The following EGFR variants were observed in gnomAD, a reference collection of about 807,000 sequenced individuals.
EGFR encodes the protein avian erythroblastic leukemia viral (v-erb-b) oncogene homolog.
A neutral mutation model predicts 143.0 loss-of-function variants in EGFR; 58 were observed. That is an observed-to-expected ratio of 0.41 (90% CI 0.33 to 0.50). EGFR has a LOEUF of 0.50. Ranked by LOEUF, EGFR falls within the 20% of genes least tolerant of loss-of-function variation. The pLI is 0.39. For synonymous variants in EGFR, 613 were observed against 594.4 expected, an observed-to-expected ratio of 1.03 and a Z score of -0.45; for missense variants, 1,307 against 1,579.0, an observed-to-expected ratio of 0.83 and a Z score of 2.92.
intron 22 of EGFR, 43 bp from the exon 23 acceptor site, chr7:55,198,674 A>G (rs200548039): frequency 8.7e-6 from 14 of 1,613,562 alleles, no homozygotes; most frequent in Middle Eastern, 1.6e-4. Flanking sequence ...GTGATTGTTC[A>G]TTCATGATCC....
chr7:55,097,050 C>A (rs1340293976), intron 1 of EGFR, among the ~76,000 whole-genome samples: 4 of 152,206 alleles, frequency 2.6e-5, no homozygotes, highest in South Asian at 2.1e-4. Context: ...TTGCCCGAGG[C>A]TGCATACCTG....
intron 10 of EGFR, 34 bp from the exon 11 acceptor site, chr7:55,157,629 G>A (rs757495655): frequency 7.6e-6 from 12 of 1,581,912 alleles, no homozygotes; most frequent in Non-Finnish European, 1.0e-5. Flanking sequence ...ACTCCTACGT[G>A]GTGTGTGTCT....
At chr7:55,161,722 C>T (rs2128943339) in intron 13 of EGFR, 91 bp downstream of exon 13, 1 of 1,602,784 alleles carries the variant, frequency 6.2e-7, no homozygotes, top group Non-Finnish European at 8.5e-7. Flanking sequence ...GTTTGATTTT[C>T]TCTTCCTTTT....
chr7:55,129,995 T>A (rs1304106854), intron 1 of EGFR, among the ~76,000 whole-genome samples: 5 of 152,202 alleles, frequency 3.3e-5, no homozygotes, highest in Non-Finnish European at 2.9e-5. Context: ...ATGTATTTGC[T>A]TACAGTCTGT....
intron 1 of EGFR, among the ~76,000 whole-genome samples, chr7:55,038,907 G>A (rs1183618372): frequency 6.6e-6 from 1 of 151,752 alleles, no homozygotes; most frequent in African/African-American, 2.4e-5. Context: ...GTTCTGCACT[G>A]CCTGTTGTCC....
intron 1 of EGFR, among the ~76,000 whole-genome samples, chr7:55,136,738 T>C (rs1164290765): frequency 6.6e-6 from 1 of 152,246 alleles, no homozygotes; most frequent in East Asian, 1.9e-4. Flanking sequence ...GATATGTTAC[T>C]TTCTTGCGAT....
chr7:55,075,771 CTTTA>C (rs1435783849), intron 1 of EGFR, among the ~76,000 whole-genome samples: 1 of 152,094 alleles, frequency 6.6e-6, no homozygotes, highest in African/African-American at 2.4e-5. Context: ...GATTGGAACT[CTTTA>C]TTTTTTTTTC....
rs1787432318 is a variant in EGFR, at chr7:55,034,302, C to T, written c.88+14937C>T. On this transcript the variant is annotated intron_variant, in intron 1 of 27. Coordinates refer to ENST00000275493, the MANE Select transcript of EGFR (RefSeq NM_005228.5). ...AGGCTGGAGTGCAGTGGCCCGACCTCGGCTCACTGCAACCTCCACCTTCCG... is the reference window on the plus strand; with the variant it reads ...AGGCTGGAGTGCAGTGGCCCGACCTTGGCTCACTGCAACCTCCACCTTCCG... Among the ~76,000 whole-genome samples, 5 of 152,266 alleles carry T rather than the reference C, an allele frequency of 3.3e-5. No individual in the cohort carries two copies. The South Asian group carries it at 8.3e-4, about 25-fold the overall frequency.
At chr7:55,203,625 A>T (rs1403393770) in intron 27 of EGFR, among the ~76,000 whole-genome samples, 2 of 141,766 alleles carry the variant, frequency 1.4e-5, no homozygotes, top group East Asian at 4.3e-4. Context: ...ACATATACAC[A>T]CTACACCACA....
chr7:55,133,935 C>T (rs1442737066), intron 1 of EGFR, among the ~76,000 whole-genome samples: 3 of 152,328 alleles, frequency 2.0e-5, no homozygotes, highest in South Asian at 4.1e-4. Flanking sequence ...AGCCCCTGAA[C>T]ATGAGTAAGC....
At chr7:55,099,007 C>A (rs2128899799) in intron 1 of EGFR, among the ~76,000 whole-genome samples, 1 of 152,330 alleles carries the variant, frequency 6.6e-6, no homozygotes, top group African/African-American at 2.4e-5. Flanking sequence ...TGGCCTCTGG[C>A]AGCTCTTCAT....
intron 1 of EGFR, among the ~76,000 whole-genome samples, chr7:55,123,378 A>T (rs141742168): frequency 3.1e-4 from 47 of 152,348 alleles, no homozygotes; most frequent in Non-Finnish European, 6.5e-4. Flanking sequence ...AGAGTAATTG[A>T]TATATCATTC....
In EGFR at chr7:55,201,748, A is replaced by G. The variant is rs375035197; in HGVS notation, c.3128A>G (p.Asn1043Ser). 2 of 1,614,058 alleles carry G rather than the reference A, an allele frequency of 1.2e-6. No homozygotes were observed. The highest frequency in any genetic ancestry group is 1.3e-5 in the African/African-American group (1 of 74,918). The change falls in exon 26 of 28, where the codon AAC (asparagine) becomes AGC (serine). Residue 1043 changes from asparagine (N) to serine (S), a missense_variant. Around this residue, in one of 7 missense-constraint regions of EGFR, gnomAD observed 313 missense variants for 312.3 expected, o/e 1.00. Coordinates refer to ENST00000275493, the MANE Select transcript of EGFR (RefSeq NM_005228.5). ...TTTCTTTTTCAGAGTGCAACCAGCA[A>G]CAATTCCACCGTGGCTTGCATTGAT... ...PLLSSLSATS[N>S]NSTVACIDRN...
chr7:55,035,300 T>C (rs1029316460), intron 1 of EGFR, among the ~76,000 whole-genome samples: 13 of 152,144 alleles, frequency 8.5e-5, no homozygotes, highest in African/African-American at 2.9e-4. Context: ...AATATTTTGA[T>C]CTTATTTTTT....
chr7:55,190,334 G>A (rs774019889), intron 20 of EGFR, among the ~76,000 whole-genome samples: 5 of 152,214 alleles, frequency 3.3e-5, no homozygotes, highest in Middle Eastern at 3.4e-3. Context: ...TCAGGCAAGC[G>A]TCTCTTTTCC....
At position 55,206,591 on chromosome 7, in the gene EGFR, C is replaced by T. The variant is rs1483732828; in HGVS notation, c.*974C>T. ...AGGCTCAGATGAAATGCATCAGGTC[C>T]TTTGGGGCATAGATCAGAAGACTAC... On this transcript the variant is annotated 3_prime_UTR_variant, in exon 28 of 28. Coordinates refer to ENST00000275493, the MANE Select transcript of EGFR (RefSeq NM_005228.5). The T allele has an allele frequency of 1.7e-5, 4 of 233,142 alleles. No individual in the cohort carries two copies. The highest frequency in any genetic ancestry group is 6.6e-5 in the African/African-American group (3 of 45,322). 14.4% of individuals were successfully genotyped at this position (233,142 alleles called of 1,614,324 possible).
intron 1 of EGFR, among the ~76,000 whole-genome samples, chr7:55,056,719 G>A (rs770890809): frequency 2.0e-5 from 3 of 152,258 alleles, no homozygotes; most frequent in African/African-American, 7.2e-5. Flanking sequence ...TTTGTTGAGT[G>A]ACTGACGGAA....
At chr7:55,073,583 GTTAAC>G (rs1333248328) in intron 1 of EGFR, among the ~76,000 whole-genome samples, 4 of 152,196 alleles carry the variant, frequency 2.6e-5, no homozygotes, top group African/African-American at 9.7e-5. Flanking sequence ...AAGTTCAAGT[GTTAAC>G]TTAATTTGGA....
intron 15 of EGFR, chr7:55,170,198 C>T (rs1786274157): frequency 1.3e-6 from 2 of 1,591,872 alleles, no homozygotes; most frequent in South Asian, 1.1e-5. Flanking sequence ...GTGTAGAGAA[C>T]AGAGACCTGG....
Sources: gnomAD v4.1 joint callset for allele counts (sites outside exome capture counted in the v4.1 genomes callset) on GRCh38, gnomAD v4.1.1 for gene constraint, gnomAD v4.1.1 regional missense constraint, MANE v1.5 for transcripts, NCBI Gene and HGNC (gene_info 2026-07-23, HGNC 2026-07-21) for gene names.